HHAT: variants seen among roughly 807,000 people sequenced by gnomAD.
The protein encoded by HHAT is protein-cysteine N-palmitoyltransferase HHAT.
Under a neutral mutation model 70.8 loss-of-function variants are expected in HHAT, and 47 were observed. The observed-to-expected ratio is 0.66, with a 90% CI of 0.53 to 0.85. The LOEUF is 0.85. HHAT is among the 40% of genes least tolerant of loss of function. The pLI is 0.00. For synonymous variants in HHAT, 228 were observed against 247.6 expected (o/e 0.92, Z 0.74); for missense variants, 609 against 604.8 (o/e 1.01, Z -0.07).
At chr1:210,543,330 TA>T (rs2095449495) in intron 9 of HHAT, among the ~76,000 whole-genome samples, 1 of 151,196 alleles carries the variant, frequency 6.6e-6, no homozygotes, top group Non-Finnish European at 1.5e-5. Context: ...GAAAAATTAA[TA>T]ATGCTCCAGG....
intron 11 of HHAT, among the ~76,000 whole-genome samples, chr1:210,624,332 A>T (rs1304235617): frequency 6.6e-6 from 1 of 152,150 alleles, no homozygotes; most frequent in Non-Finnish European, 1.5e-5. Context: ...AATAAATTCC[A>T]TTTCTTTATA....
chr1:210,527,081 A>G (rs4303076), intron 9 of HHAT, among the ~76,000 whole-genome samples: 35,327 of 152,010 alleles, frequency 0.23, 5,204 homozygotes, highest in East Asian at 0.38. Flanking sequence ...TAGCATCAGG[A>G]TGGGGGCTGG....
chr1:210,475,099 G>A (rs369687301), intron 8 of HHAT, among the ~76,000 whole-genome samples: 3 of 151,850 alleles, frequency 2.0e-5, no homozygotes, highest in African/African-American at 4.8e-5. Context: ...GAGTGCAAGC[G>A]ATCCACCTGC....
At chr1:210,461,749 C>A (rs1308243894) in intron 7 of HHAT, among the ~76,000 whole-genome samples, 1 of 152,066 alleles carries the variant, frequency 6.6e-6, no homozygotes, top group East Asian at 1.9e-4. Flanking sequence ...CTTTAAAAAT[C>A]TTGTGTCTTT....
intron 6 of HHAT, among the ~76,000 whole-genome samples, chr1:210,410,044 G>T (rs548761674): frequency 6.8e-6 from 1 of 147,118 alleles, no homozygotes; most frequent in Non-Finnish European, 1.5e-5. Context: ...GGTTGACAAG[G>T]GACAAATTTT....
At chr1:210,593,918 A>G (rs772912320) in intron 10 of HHAT, among the ~76,000 whole-genome samples, 1 of 152,128 alleles carries the variant, frequency 6.6e-6, no homozygotes, top group African/African-American at 2.4e-5. Flanking sequence ...TATAATGATG[A>G]TATGTAGCTT....
At chr1:210,663,386 G>A (rs1269323791) in intron 11 of HHAT, among the ~76,000 whole-genome samples, 3 of 152,180 alleles carry the variant, frequency 2.0e-5, no homozygotes, top group Admixed American at 6.5e-5. Context: ...TTCACCATGT[G>A]ACCTGAAGCA....
At chr1:210,400,849 G>GCAACACAGC (rs2092034645) in intron 5 of HHAT, among the ~76,000 whole-genome samples, 187 bp downstream of exon 5, 1 of 152,180 alleles carries the variant, frequency 6.6e-6, no homozygotes, top group African/African-American at 2.4e-5. Flanking sequence ...ATCATTCCTG[G>GCAACACAGC]CTGTGTTTTA....
At chr1:210,392,288 A>G (rs754870868) in intron 4 of HHAT, among the ~76,000 whole-genome samples, 1 of 152,152 alleles carries the variant, frequency 6.6e-6, no homozygotes, top group Admixed American at 6.5e-5. Flanking sequence ...TCTCTGGGCC[A>G]TACACATCAG....
chr1:210,329,056 C>G lies in HHAT; in HGVS notation c.-92C>G, dbSNP rs1447057709. On this transcript the variant is annotated 5_prime_UTR_variant, in exon 1 of 12. Transcript: ENST00000261458. ...TGCCGAAAGAGGGGTGTTGGGAACT[C>G]GCGGCGCGCGTGAACGTTGCCGTCG... 7.0e-7 allele frequency: 1 copy of G among 1,430,448 alleles called. No individual in the cohort carries two copies. The highest frequency in any genetic ancestry group is 1.5e-5 in the African/African-American group (1 of 67,568). 88.6% of individuals were successfully genotyped at this position (1,430,448 alleles called of 1,614,324 possible). A position where few individuals can be genotyped will look rare whatever the true frequency, so the allele number is the denominator to read the frequency against.
chr1:210,591,462 G>A (rs535720406), intron 10 of HHAT, among the ~76,000 whole-genome samples: 5 of 152,072 alleles, frequency 3.3e-5, no homozygotes, highest in Non-Finnish European at 7.4e-5. Flanking sequence ...GGACACTCAG[G>A]TTGCTTCCAA....
chr1:210,428,059 CTT>C (rs1304884878), intron 7 of HHAT, among the ~76,000 whole-genome samples: 19 of 151,690 alleles, frequency 1.3e-4, no homozygotes, highest in Admixed American at 9.2e-4. Context: ...CCTTCATTGT[CTT>C]TTTTGAACTT....
chr1:210,560,814 TAAAAAAAAA>T (rs60192211), intron 9 of HHAT, among the ~76,000 whole-genome samples: 18 of 28,512 alleles, frequency 6.3e-4, no homozygotes, highest in Non-Finnish European at 8.6e-4. Flanking sequence ...CCCTGTGTCT[TAAAAAAAAA>T]AAAAAAAAAA....
chr1:210,401,289 T>C (rs1219734598), intron 5 of HHAT, among the ~76,000 whole-genome samples: 2 of 152,166 alleles, frequency 1.3e-5, no homozygotes, highest in East Asian at 3.9e-4. Flanking sequence ...AATTTTTGTA[T>C]TTTTAGTAGA....
intron 6 of HHAT, among the ~76,000 whole-genome samples, chr1:210,417,575 G>A (rs1049965862): frequency 3.3e-5 from 5 of 152,116 alleles, no homozygotes; most frequent in African/African-American, 1.2e-4. Flanking sequence ...TAACTGTTAT[G>A]CTCTGCTGCC....
intron 7 of HHAT, among the ~76,000 whole-genome samples, chr1:210,436,904 A>G (rs2093390255): frequency 6.6e-6 from 1 of 151,754 alleles, no homozygotes; most frequent in Non-Finnish European, 1.5e-5. Flanking sequence ...GGTTGTTTTG[A>G]TTTGATAGAA....
At chr1:210,449,161 C>G (rs748950732) in intron 7 of HHAT, among the ~76,000 whole-genome samples, 1 of 152,174 alleles carries the variant, frequency 6.6e-6, no homozygotes, top group African/African-American at 2.4e-5. Context: ...TCGGACCTCC[C>G]GGGTCCCTCT....
intron 5 of HHAT, among the ~76,000 whole-genome samples, chr1:210,403,455 A>G (rs915506081): frequency 3.9e-5 from 6 of 152,224 alleles, no homozygotes; most frequent in Non-Finnish European, 8.8e-5. Context: ...CAGTGATTTG[A>G]AAAACACTGA....
At chr1:210,632,121 G>A (rs527722385) in intron 11 of HHAT, among the ~76,000 whole-genome samples, 9 of 152,300 alleles carry the variant, frequency 5.9e-5, no homozygotes, top group African/African-American at 2.2e-4. Context: ...TTCTCTCTAA[G>A]GGGAAGCTAC....
Sources: allele counts gnomAD v4.1 joint callset (sites outside exome capture counted in the v4.1 genomes callset), GRCh38; gene constraint gnomAD v4.1.1; transcripts MANE v1.5; gene names NCBI Gene and HGNC (gene_info 2026-07-23, HGNC 2026-07-21).